Variants in MCHR2 observed in about 807,000 individuals in gnomAD.
MCHR2 encodes melanin-concentrating hormone receptor 2.
A neutral mutation model predicts 24.8 loss-of-function variants in MCHR2; 15 were observed. That is an observed-to-expected ratio of 0.60 (90% confidence interval 0.40 to 0.93). The LOEUF is 0.93. Among genes scored for constraint, MCHR2 ranks in the 40% least tolerant of loss-of-function variants. MCHR2 has a pLI of 0.00. For missense variants in MCHR2, 386 were observed against 408.7 expected, an observed-to-expected ratio of 0.94 and a Z score of 0.48; for synonymous variants, 151 against 147.6, an observed-to-expected ratio of 1.02 and a Z score of -0.17.
At chr6:99,967,245 A>C (rs1475728234) in intron 1 of MCHR2, among the ~76,000 whole-genome samples, 2 of 152,118 alleles carry the variant, frequency 1.3e-5, no homozygotes, top group Middle Eastern at 3.2e-3. Context: ...GATTCACATC[A>C]TTCATCTATG....
intron 1 of MCHR2, among the ~76,000 whole-genome samples, chr6:99,976,112 C>A (rs1562133654): frequency 1.3e-5 from 2 of 152,036 alleles, no homozygotes; most frequent in Non-Finnish European, 2.9e-5. Context: ...GATATGACAG[C>A]ACATTACAAA....
chr6:99,954,304 T>A (rs1204552781), intron 2 of MCHR2, among the ~76,000 whole-genome samples: 1 of 152,168 alleles, frequency 6.6e-6, no homozygotes, highest in Non-Finnish European at 1.5e-5. Flanking sequence ...AAGTGTAATA[T>A]GCTCCACAAA....
rs931572522 is a variant in MCHR2 at position 99,918,848 on chromosome 6, T to C, written c.*2092A>G. ...GCTAAATAAAGCTCCTTACAACTCT[T>C]AGTAAATATAATTTAAAATAATTCA... On this transcript the variant is annotated 3_prime_UTR_variant, in exon 6 of 6. Coordinates refer to ENST00000281806, the MANE Select transcript of MCHR2 (RefSeq NM_001040179.2). 5.9e-5 allele frequency among the ~76,000 whole-genome samples: 9 copies of C among 152,202 alleles called. No homozygotes were observed. Among genetic ancestry groups the C allele is most frequent in the African/African-American group, 2.2e-4 (9 of 41,446 alleles).
chr6:99,931,013 T>C (rs890235202), intron 5 of MCHR2, among the ~76,000 whole-genome samples: 1 of 152,088 alleles, frequency 6.6e-6, no homozygotes, highest in South Asian at 2.1e-4. Context: ...TACAGATGGG[T>C]TTTTGGTGTG....
chr6:99,956,839 T>C (rs1035541485), intron 1 of MCHR2, among the ~76,000 whole-genome samples: 5 of 152,140 alleles, frequency 3.3e-5, no homozygotes, highest in African/African-American at 7.2e-5. Context: ...ATCAAACTTT[T>C]GATAAAAGAC....
rs772419951 is a variant in MCHR2, at chr6:99,985,467, G to A, written c.-28+8469C>T. Among the ~76,000 whole-genome samples the A allele has an allele frequency of 1.6e-4, 24 of 152,082 alleles. 1 individual carries two copies. The highest frequency in any genetic ancestry group is 4.2e-4 in the South Asian group (2 of 4,810). ...CTAACCAAAACAGCATGATGCTGGC[G>A]TAAAAACAGACACACAGATCAATGG... On this transcript the variant is annotated intron_variant, in intron 1 of 5. Transcript: ENST00000281806.
intron 1 of MCHR2, among the ~76,000 whole-genome samples, chr6:99,958,447 G>A (rs1486215877): frequency 6.6e-6 from 1 of 151,936 alleles, no homozygotes; most frequent in African/African-American, 2.4e-5. Flanking sequence ...TTTTAGAAGT[G>A]AATATAGAGT....
intron 4 of MCHR2, among the ~76,000 whole-genome samples, chr6:99,937,522 AT>A (rs1774687016): frequency 6.6e-6 from 1 of 152,024 alleles, no homozygotes; most frequent in African/African-American, 2.4e-5. Flanking sequence ...TGATTTGTGT[AT>A]GGTGAACCAT....
At chr6:99,946,960 C>T (rs910553038) in intron 3 of MCHR2, among the ~76,000 whole-genome samples, 6 of 152,066 alleles carry the variant, frequency 3.9e-5, no homozygotes, top group Non-Finnish European at 7.4e-5. Flanking sequence ...TTGCATGCTT[C>T]CTAGACAGGC....
intron 5 of MCHR2, among the ~76,000 whole-genome samples, chr6:99,926,570 T>A (rs981748104): frequency 6.6e-6 from 1 of 152,226 alleles, no homozygotes; most frequent in African/African-American, 2.4e-5. Context: ...TTGATTTGCA[T>A]TTGTCTGAGG....
intron 2 of MCHR2, among the ~76,000 whole-genome samples, chr6:99,953,091 G>T (rs1774995805): frequency 6.6e-6 from 1 of 152,072 alleles, no homozygotes; most frequent in Admixed American, 6.6e-5. Context: ...AGTTCACATT[G>T]CCCATGTCTT....
chr6:99,993,225 G>A (rs574400555), intron 1 of MCHR2, among the ~76,000 whole-genome samples: 1 of 152,218 alleles, frequency 6.6e-6, no homozygotes, highest in South Asian at 2.1e-4. Flanking sequence ...ATTTTTCAAA[G>A]GCTGTCAGAA....
intron 1 of MCHR2, among the ~76,000 whole-genome samples, chr6:99,960,279 T>C (rs1054982922): frequency 4.0e-5 from 6 of 151,840 alleles, no homozygotes; most frequent in African/African-American, 1.5e-4. Flanking sequence ...CTTTATCAGA[T>C]AACAAAAGCT....
At chr6:99,924,131 C>T (rs1370105971) in intron 5 of MCHR2, among the ~76,000 whole-genome samples, 1 of 151,982 alleles carries the variant, frequency 6.6e-6, no homozygotes, top group East Asian at 1.9e-4. Flanking sequence ...CTGGTTCAAT[C>T]TTGGTAGGTT....
intron 1 of MCHR2, among the ~76,000 whole-genome samples, chr6:99,986,015 G>A (rs1420215237): frequency 6.6e-6 from 1 of 151,922 alleles, no homozygotes; most frequent in Non-Finnish European, 1.5e-5. Context: ...GCAAGCAATG[G>A]ACATGAACAG....
chr6:99,937,574 C>T (rs554266398), intron 4 of MCHR2, among the ~76,000 whole-genome samples: 22 of 151,522 alleles, frequency 1.5e-4, no homozygotes, highest in Admixed American at 5.3e-4. Flanking sequence ...TCATGATATA[C>T]GATTTTTTTA....
intron 4 of MCHR2, among the ~76,000 whole-genome samples, chr6:99,942,589 C>T (rs1315517815): frequency 6.6e-6 from 1 of 152,124 alleles, no homozygotes; most frequent in East Asian, 1.9e-4. Context: ...GGACATAATT[C>T]AAGCAAACTG....
intron 1 of MCHR2, 106 bp from the exon 2 acceptor site, chr6:99,956,280 T>G: frequency 5.3e-6 from 4 of 758,876 alleles, no homozygotes; most frequent in African/African-American, 1.8e-5. Context: ...AAAACCAAGA[T>G]TCCATGGAAC....
chr6:99,980,437 G>A (rs13212643), intron 1 of MCHR2, among the ~76,000 whole-genome samples: 50,366 of 152,056 alleles, frequency 0.33, 9,350 homozygotes, highest in South Asian at 0.53. Context: ...GCTATCGGAG[G>A]TCAAGATAAT....
Sources: gnomAD v4.1 joint callset for allele counts (sites outside exome capture counted in the v4.1 genomes callset) on GRCh38, gnomAD v4.1.1 for gene constraint, MANE v1.5 for transcripts, NCBI Gene and HGNC (gene_info 2026-07-23, HGNC 2026-07-21) for gene names.